FZD1: variants seen among roughly 807,000 people sequenced by gnomAD.
FZD1 encodes frizzled class receptor 1, also known as frizzled-1.
A neutral mutation model predicts 48.0 loss-of-function variants in FZD1; 22 were observed. That is an observed-to-expected ratio of 0.46 (90% confidence interval 0.33 to 0.65). The LOEUF (loss-of-function observed/expected upper bound fraction) is 0.65, where lower values mean the gene tolerates loss of function less well. Among genes scored for constraint, FZD1 ranks in the 30% least tolerant of loss-of-function variants. FZD1 has a pLI of 0.02. For synonymous variants in FZD1, 486 were observed against 409.6 expected (o/e 1.19, Z -2.25); for missense variants, 843 against 898.1 (o/e 0.94, Z 0.78).
Position 91,265,120 on chromosome 7 carries a change from C to A in FZD1, c.240C>A (p.Gly80=). 1 of 1,513,080 alleles carries A rather than the reference C, an allele frequency of 6.6e-7. No individual in the cohort carries two copies. Among genetic ancestry groups the A allele is most frequent in the South Asian group, 1.2e-5 (1 of 80,842 alleles). 93.7% of individuals were successfully genotyped at this position (1,513,080 alleles called of 1,614,324 possible). The change falls in exon 1 of 1, where the codon GGC becomes GGA. Residue 80 remains glycine (G), a synonymous_variant. Coordinates refer to ENST00000287934, the MANE Select transcript of FZD1 (RefSeq NM_003505.2). This position sits in a 1 kb window ranked among gnomAD's most constrained non-coding sequence, Gnocchi z 6.9. ...VRAQAAGQGP[G]QGPGPGQQPP... ...CCCAGGCGGCGGGCCAGGGGCCAGG[C>A]CAGGGGCCCGGGCCGGGGCAGCAAC... is the stretch of plus-strand genomic sequence containing the variant.
Position 91,265,469 on chromosome 7 carries a change from G to T in FZD1, c.589G>T (p.Gly197Cys). Residue 197 changes from glycine (G) to cysteine (C), a missense_variant, in exon 1 of 1, where the codon GGC becomes TGC. Coordinates refer to ENST00000287934, the MANE Select transcript of FZD1 (RefSeq NM_003505.2). This position sits in a 1 kb window ranked among gnomAD's most constrained non-coding sequence, Gnocchi z 6.9. The part of the protein sequence containing the change: ...CRSLCERARQ[G>C]CEALMNKFGF... ...CTCCCTGTGCGAGCGCGCGCGCCAG[G>T]GCTGCGAGGCGCTCATGAACAAGTT... The T allele has an allele frequency of 1.2e-6, 2 of 1,613,068 alleles. No homozygotes were observed. The highest frequency in any genetic ancestry group is 1.7e-6 in the Non-Finnish European group (2 of 1,179,694).
chr7:91,265,715 G>A lies in FZD1; in HGVS notation c.835G>A (p.Ala279Thr). 6.2e-7 allele frequency: 1 copy of A among 1,606,766 alleles called. No individual in the cohort carries two copies. The highest frequency in any genetic ancestry group is 8.5e-7 in the Non-Finnish European group (1 of 1,176,928). Reference sequence around the variant, plus strand: ...GCGAGGCAAGTTCTCCTGCCCGCGCGCCCTCAAGGTGCCCTCCTACCTCAA... The same window carrying A: ...GCGAGGCAAGTTCTCCTGCCCGCGCACCCTCAAGGTGCCCTCCTACCTCAA... ...SERGKFSCPR[A>T]LKVPSYLNYH... Residue 279 changes from alanine (A) to threonine (T), a missense_variant, in exon 1 of 1, where the codon GCC becomes ACC. This residue lies in a region of FZD1 where 490 missense variants were observed against 466.5 expected (regional missense o/e 1.05). Transcript: ENST00000287934. This position sits in a 1 kb window ranked among gnomAD's most constrained non-coding sequence, Gnocchi z 6.9.
At position 91,265,951 on chromosome 7, in the gene FZD1, C is replaced by G. The variant is rs139681941; in HGVS notation, c.1071C>G (p.Phe357Leu). Residue 357 changes from phenylalanine to leucine, a missense_variant, in exon 1 of 1, where the codon TTC becomes TTG. Coordinates refer to ENST00000287934, the MANE Select transcript of FZD1 (RefSeq NM_003505.2). The surrounding 1 kb of genome is among the most constrained non-coding windows in gnomAD (Gnocchi z 6.9). ...RFSYPERPIIFLSGCYTAVAV... is the reference protein window; with the variant it reads ...RFSYPERPIILLSGCYTAVAV... The stretch of plus-strand genomic sequence containing the variant: ...GCTACCCGGAGCGGCCCATCATCTT[C>G]TTGTCCGGCTGTTACACGGCCGTGG... 1.2e-6 allele frequency: 2 copies of G among 1,614,194 alleles called. No individual in the cohort carries two copies. The highest frequency in any genetic ancestry group is 1.7e-6 in the Non-Finnish European group (2 of 1,180,046).
rs776244417 is a variant in FZD1 at position 91,265,405 on chromosome 7, C to G, written c.525C>G (p.Pro175=). Residue 175 remains proline (P), a synonymous_variant, in exon 1 of 1, where the codon CCC becomes CCG. Coordinates refer to ENST00000287934, the MANE Select transcript of FZD1 (RefSeq NM_003505.2). This position sits in a 1 kb window ranked among gnomAD's most constrained non-coding sequence, Gnocchi z 6.9. The part of the protein sequence containing the change: ...LKFFLCSMYA[P]VCTVLEQALP... ...TCTTCCTGTGCTCCATGTACGCGCC[C>G]GTGTGCACCGTGCTAGAGCAGGCGC... The G allele has an allele frequency of 4.3e-6, 7 of 1,613,860 alleles. No individual in the cohort carries two copies. Among genetic ancestry groups the G allele is most frequent in the Non-Finnish European group, 5.9e-6 (7 of 1,179,920 alleles).
In FZD1 at chr7:91,270,373, T is replaced by C. The variant is rs1393430129; in HGVS notation, c.*3549T>C. ...TCAGAGCCAGCCAGTGTCAAACACG[T>C]GCAAAAGAGCCGGGCCGGATTTTTT... On this transcript the variant is annotated 3_prime_UTR_variant, in exon 1 of 1. Coordinates refer to ENST00000287934, the MANE Select transcript of FZD1 (RefSeq NM_003505.2). The C allele has an allele frequency of 1.2e-5, 2 of 167,050 alleles. No homozygotes were observed. The highest frequency in any genetic ancestry group is 2.9e-5 in the Non-Finnish European group (2 of 68,104). 10.3% of individuals were successfully genotyped at this position (167,050 alleles called of 1,614,324 possible). A position where few individuals can be genotyped will look rare whatever the true frequency, so the allele number is the denominator to read the frequency against.
In FZD1 at chr7:91,265,458, G is replaced by T. The variant is rs780894315; in HGVS notation, c.578G>T (p.Arg193Leu). 6.2e-7 allele frequency: 1 copy of T among 1,613,120 alleles called. No homozygotes were observed. The highest frequency in any genetic ancestry group is 1.1e-5 in the South Asian group (1 of 91,036). The change falls in exon 1 of 1, where the codon CGC (arginine) becomes CTC (leucine). Residue 193 changes from arginine (R) to leucine (L), a missense_variant. Transcript: ENST00000287934. The surrounding 1 kb of genome is among the most constrained non-coding windows in gnomAD (Gnocchi z 6.9). Reference protein sequence around the residue: ...ALPPCRSLCERARQGCEALMN... With the variant: ...ALPPCRSLCELARQGCEALMN... The stretch of plus-strand genomic sequence containing the variant: ...CCGCCCTGCCGCTCCCTGTGCGAGC[G>T]CGCGCGCCAGGGCTGCGAGGCGCTC...
At position 91,266,068 on chromosome 7, in the gene FZD1, C is replaced by T. The variant is rs987563800; in HGVS notation, c.1188C>T (p.Gly396=). 6.2e-7 allele frequency: 1 copy of T among 1,614,218 alleles called. No individual in the cohort carries two copies. The highest frequency in any genetic ancestry group is 1.1e-5 in the South Asian group (1 of 91,092). The change falls in exon 1 of 1, where the codon GGC becomes GGT. Residue 396 remains glycine (G), a synonymous_variant. Coordinates refer to ENST00000287934, the MANE Select transcript of FZD1 (RefSeq NM_003505.2). This position sits in a 1 kb window ranked among gnomAD's most constrained non-coding sequence, Gnocchi z 6.8. ...AEDGARTVAQ[G]TKKEGCTILF... is the part of the protein sequence containing the mutation. ...ACGGGGCACGCACTGTGGCGCAGGGCACCAAGAAGGAGGGCTGCACCATCC... is the reference window on the plus strand; with the variant it reads ...ACGGGGCACGCACTGTGGCGCAGGGTACCAAGAAGGAGGGCTGCACCATCC...
chr7:91,265,461 C>T lies in FZD1; in HGVS notation c.581C>T (p.Ala194Val), dbSNP rs770493888. ...LPPCRSLCER[A>V]RQGCEALMNK... The stretch of plus-strand genomic sequence containing the variant: ...CCCTGCCGCTCCCTGTGCGAGCGCG[C>T]GCGCCAGGGCTGCGAGGCGCTCATG... Residue 194 changes from alanine to valine, a missense_variant, in exon 1 of 1, where the codon GCG (alanine) becomes GTG (valine). By Grantham distance (64) the Ala-to-Val change is moderately conservative. Coordinates refer to ENST00000287934, the MANE Select transcript of FZD1 (RefSeq NM_003505.2). The surrounding 1 kb of genome is among the most constrained non-coding windows in gnomAD (Gnocchi z 6.9). 1.9e-6 allele frequency: 3 copies of T among 1,613,104 alleles called. No individual in the cohort carries two copies. The highest frequency in any genetic ancestry group is 2.2e-5 in the South Asian group (2 of 91,040).
Position 91,268,889 on chromosome 7 carries a change from GTTGTGATTGACAT to G in FZD1, c.*2072_*2084del. On this transcript the variant is annotated 3_prime_UTR_variant, in exon 1 of 1. Coordinates refer to ENST00000287934, the MANE Select transcript of FZD1 (RefSeq NM_003505.2). Reference sequence around the variant, plus strand: ...TCCAAAGAATTACTCTGTTTGCATTGTTGTGATTGACATTTGTGAAGTCCCAAGAAAAGATCTG... The same window carrying G: ...TCCAAAGAATTACTCTGTTTGCATTGTTGTGAAGTCCCAAGAAAAGATCTG... 6.0e-6 allele frequency: 1 copy of G among 166,996 alleles called. No homozygotes were observed. The allele number at this position is 166,996 out of a possible 1,614,324, so 10.3% of individuals were successfully genotyped here.
At position 91,271,223 on chromosome 7, in the gene FZD1, C is replaced by T. The variant is rs1310315607; in HGVS notation, c.*4399C>T. The T allele has an allele frequency of 1.2e-5, 2 of 166,974 alleles. No homozygotes were observed. Among genetic ancestry groups the T allele is most frequent in the Admixed American group, 6.5e-5 (1 of 15,270 alleles). The allele number at this position is 166,974 out of a possible 1,614,324, so 10.3% of individuals were successfully genotyped here. A position where few individuals can be genotyped will look rare whatever the true frequency, so the allele number is the denominator to read the frequency against. On this transcript the variant is annotated 3_prime_UTR_variant, in exon 1 of 1. Transcript: ENST00000287934. ...CTTTTTGGGCTTAAATATTTTTATTCATTTTGGTCATACCTTTGACAATGG... is the reference window on the plus strand; with the variant it reads ...CTTTTTGGGCTTAAATATTTTTATTTATTTTGGTCATACCTTTGACAATGG...
Position 91,270,210 on chromosome 7 carries a change from A to G in FZD1, c.*3386A>G, listed in dbSNP as rs560905967. 6.0e-6 allele frequency: 1 copy of G among 167,056 alleles called. No homozygotes were observed. Among genetic ancestry groups the G allele is most frequent in the African/African-American group, 2.4e-5 (1 of 41,502 alleles). 10.3% of individuals were successfully genotyped at this position (167,056 alleles called of 1,614,324 possible). On this transcript the variant is annotated 3_prime_UTR_variant, in exon 1 of 1. Transcript: ENST00000287934. ...TTAAACCAGCTATAAATTGGGGTCAATTTCCCCCCTCACAGTGTACTTAAT... is the reference window on the plus strand; with the variant it reads ...TTAAACCAGCTATAAATTGGGGTCAGTTTCCCCCCTCACAGTGTACTTAAT...
chr7:91,264,895 G>A lies in FZD1; in HGVS notation c.15G>A (p.Glu5=), dbSNP rs936038756. Residue 5 remains glutamate (E), a synonymous_variant, in exon 1 of 1, where the codon GAG becomes GAA. Coordinates refer to ENST00000287934, the MANE Select transcript of FZD1 (RefSeq NM_003505.2). ...GCCGAGAAAGTATGGCTGAGGAGGA[G>A]GCGCCTAAGAAGTCCCGGGCCGCCG... MAEE[E]APKKSRAAGG... is the part of the protein sequence containing the mutation. 3 of 1,313,854 alleles carry A rather than the reference G, an allele frequency of 2.3e-6. No individual in the cohort carries two copies. The highest frequency in any genetic ancestry group is 3.1e-5 in the African/African-American group (2 of 65,250). 81.4% of individuals were successfully genotyped at this position (1,313,854 alleles called of 1,614,324 possible).
chr7:91,269,475 C>A lies in FZD1; in HGVS notation c.*2651C>A, dbSNP rs899476323. On this transcript the variant is annotated 3_prime_UTR_variant, in exon 1 of 1. Coordinates refer to ENST00000287934, the MANE Select transcript of FZD1 (RefSeq NM_003505.2). Reference sequence around the variant, plus strand: ...ATGCTAGATGGAAAACCTCAAATACCTTTACAGGTTAAAAATATCTTTACT... The same window carrying A: ...ATGCTAGATGGAAAACCTCAAATACATTTACAGGTTAAAAATATCTTTACT... The A allele has an allele frequency of 3.0e-5, 5 of 166,862 alleles. No homozygotes were observed. Among genetic ancestry groups the A allele is most frequent in the Non-Finnish European group, 5.9e-5 (4 of 68,052 alleles). 10.3% of individuals were successfully genotyped at this position (166,862 alleles called of 1,614,324 possible).
chr7:91,265,165 G>C lies in FZD1; in HGVS notation c.285G>C (p.Gln95His). 2 of 1,610,616 alleles carry C rather than the reference G, an allele frequency of 1.2e-6. No individual in the cohort carries two copies. The highest frequency in any genetic ancestry group is 2.2e-5 in the South Asian group (2 of 90,944). The change falls in exon 1 of 1, where the codon CAG becomes CAC. Residue 95 changes from glutamine (Q) to histidine (H), a missense_variant. Coordinates refer to ENST00000287934, the MANE Select transcript of FZD1 (RefSeq NM_003505.2). This position sits in a 1 kb window ranked among gnomAD's most constrained non-coding sequence, Gnocchi z 6.9. ...PGQQPPPPPQ[Q>H]QQSGQQYNGE... ...AGCAACCGCCGCCGCCGCCTCAGCAGCAACAGAGCGGGCAGCAGTACAACG... is the reference window on the plus strand; with the variant it reads ...AGCAACCGCCGCCGCCGCCTCAGCACCAACAGAGCGGGCAGCAGTACAACG...
Position 91,266,009 on chromosome 7 carries a change from G to A in FZD1, c.1129G>A (p.Asp377Asn), listed in dbSNP as rs143614174. The A allele has an allele frequency of 6.2e-7, 1 of 1,614,070 alleles. No individual in the cohort carries two copies. Among genetic ancestry groups the A allele is most frequent in the African/African-American group, 1.3e-5 (1 of 74,946 alleles). Residue 377 changes from aspartate to asparagine, a missense_variant, in exon 1 of 1, where the codon GAC (aspartate) becomes AAC (asparagine). Physicochemically the swap from Asp to Asn is conservative, Grantham distance 23 (BLOSUM62 1). Around this residue, in one of 2 missense-constraint regions of FZD1, gnomAD observed 353 missense variants for 431.6 expected, o/e 0.82. Transcript: ENST00000287934. The surrounding 1 kb of genome is among the most constrained non-coding windows in gnomAD (Gnocchi z 6.8). ...CTACATCGCCGGCTTCCTCCTGGAAGACCGAGTGGTGTGTAATGACAAGTT... is the reference window on the plus strand; with the variant it reads ...CTACATCGCCGGCTTCCTCCTGGAAAACCGAGTGGTGTGTAATGACAAGTT... ...VAYIAGFLLEDRVVCNDKFAE... is the reference protein window; with the variant it reads ...VAYIAGFLLENRVVCNDKFAE...
Position 91,268,307 on chromosome 7 carries a change from A to G in FZD1, c.*1483A>G, listed in dbSNP as rs1184398170. ...AAGGTGGAATAATTGACGGGGAGAT[A>G]GCGCCTGAAATAAACAAAATATGGG... is the stretch of plus-strand genomic sequence containing the variant. On this transcript the variant is annotated 3_prime_UTR_variant, in exon 1 of 1. Coordinates refer to ENST00000287934, the MANE Select transcript of FZD1 (RefSeq NM_003505.2). The G allele has an allele frequency of 6.0e-6, 1 of 167,090 alleles. No homozygotes were observed. The highest frequency in any genetic ancestry group is 1.5e-5 in the Non-Finnish European group (1 of 68,114). 10.4% of individuals were successfully genotyped at this position (167,090 alleles called of 1,614,324 possible). A position where few individuals can be genotyped will look rare whatever the true frequency, so the allele number is the denominator to read the frequency against.
At position 91,265,924 on chromosome 7, in the gene FZD1, C is replaced by A. The variant is rs1563008067; in HGVS notation, c.1044C>A (p.Phe348Leu). ...CGTACCTGGTGGACATGCGGCGCTT[C>A]AGCTACCCGGAGCGGCCCATCATCT... ...VLTYLVDMRR[F>L]SYPERPIIFL... The change falls in exon 1 of 1, where the codon TTC becomes TTA. Residue 348 changes from phenylalanine (F) to leucine (L), a missense_variant. By Grantham distance (22) the Phe-to-Leu change is conservative. Transcript: ENST00000287934. The surrounding 1 kb of genome is among the most constrained non-coding windows in gnomAD (Gnocchi z 6.9). The A allele has an allele frequency of 1.5e-5, 25 of 1,614,186 alleles. No homozygotes were observed. Among genetic ancestry groups the A allele is most frequent in the Middle Eastern group, 1.6e-4 (1 of 6,062 alleles).
At position 91,264,946 on chromosome 7, in the gene FZD1, T is replaced by C. The variant is rs374849162; in HGVS notation, c.66T>C (p.Cys22=). ...AAGGGASWEL[C]AGALSARLAE... ...GCGGTGGCGCGAGCTGGGAACTTTG[T>C]GCCGGGGCGCTCTCGGCCCGGCTGG... Residue 22 remains cysteine, a synonymous_variant, in exon 1 of 1, where the codon TGT becomes TGC. Transcript: ENST00000287934. 764 of 1,349,082 alleles carry C rather than the reference T, an allele frequency of 5.7e-4. 4 individuals carry two copies. Among genetic ancestry groups the C allele is most frequent in the Middle Eastern group, 4.7e-3 (17 of 3,584 alleles). 83.6% of individuals were successfully genotyped at this position (1,349,082 alleles called of 1,614,324 possible).
Position 91,266,062 on chromosome 7 carries a change from G to A in FZD1, c.1182G>A (p.Ala394=). ...CCGAGGACGGGGCACGCACTGTGGC[G>A]CAGGGCACCAAGAAGGAGGGCTGCA... is the stretch of plus-strand genomic sequence containing the variant. ...KFAEDGARTV[A]QGTKKEGCTI... Residue 394 remains alanine, a synonymous_variant, in exon 1 of 1, where the codon GCG becomes GCA. Transcript: ENST00000287934. This position sits in a 1 kb window ranked among gnomAD's most constrained non-coding sequence, Gnocchi z 6.8. 6.2e-7 allele frequency: 1 copy of A among 1,614,188 alleles called. No individual in the cohort carries two copies. Among genetic ancestry groups the A allele is most frequent in the Non-Finnish European group, 8.5e-7 (1 of 1,180,038 alleles).
Sources: gnomAD v4.1 joint callset for allele counts on GRCh38, gnomAD v4.1.1 for gene constraint, gnomAD v4.1.1 regional missense constraint, Gnocchi (gnomAD v3.1) non-coding constraint, MANE v1.5 for transcripts, NCBI Gene and HGNC (gene_info 2026-07-23, HGNC 2026-07-21) for gene names.